Variants in ADGRB2 observed in about 807,000 individuals in gnomAD.
ADGRB2 encodes the protein brain-specific angiogenesis inhibitor 2.
In ADGRB2, 47 loss-of-function variants were observed where a neutral mutation model predicts 178.7. That is an observed-to-expected ratio of 0.26 (90% CI 0.21 to 0.34). The LOEUF (loss-of-function observed/expected upper bound fraction) is 0.34, where lower values mean the gene tolerates loss of function less well. Among genes scored for constraint, ADGRB2 ranks in the 10% least tolerant of loss-of-function variants. ADGRB2 has a pLI of 1.00. For synonymous variants in ADGRB2, 870 were observed against 912.4 expected (o/e 0.95, Z 0.84); for missense variants, 1,584 against 2,180.8 (o/e 0.73, Z 5.45).
At chr1:31,742,784 G>A in intron 7 of ADGRB2, 54 bp downstream of exon 7, 3 of 1,367,790 alleles carry the variant, frequency 2.2e-6, no homozygotes, top group Admixed American at 3.4e-5. Flanking sequence ...CAGGTCTCCC[G>A]ACCCCCCACC....
At position 31,756,456 on chromosome 1, in the gene ADGRB2, C is replaced by T; in HGVS notation, c.381G>A (p.Arg127=). 6.2e-7 allele frequency: 1 copy of T among 1,610,874 alleles called. No homozygotes were observed. The highest frequency in any genetic ancestry group is 8.5e-7 in the Non-Finnish European group (1 of 1,178,536). The change falls in exon 4 of 33, where the codon CGG becomes CGA. Residue 127 remains arginine, a synonymous_variant. Coordinates refer to ENST00000373658, the MANE Select transcript of ADGRB2 (RefSeq NM_001364857.2). This position sits in a 1 kb window ranked among gnomAD's most constrained non-coding sequence, Gnocchi z 8.5. ...CCGCCTCTGCCTCCTCCTCTTCTGGCCGCCCCACCTCTGACTCCGCCTGGG... is the reference window on the plus strand; with the variant it reads ...CCGCCTCTGCCTCCTCCTCTTCTGGTCGCCCCACCTCTGACTCCGCCTGGG... The part of the protein sequence containing the change: ...AVAQAESEVG[R]PEEEEAEAAA...
rs1461680855 is a variant in ADGRB2 at position 31,731,178 on chromosome 1, C to T, written c.4002G>A (p.Gln1334=). ...TGGGCCGCAGCCATGTGAGGTCCAG[C>T]TGCCGCAGGCCACCCTCCCCACACA... ...VYMCGEGGLR[Q]LDLTWLRPTE... is the part of the protein sequence containing the mutation. Residue 1334 remains glutamine, a synonymous_variant, in exon 29 of 33, where the codon CAG becomes CAA. Coordinates refer to ENST00000373658, the MANE Select transcript of ADGRB2 (RefSeq NM_001364857.2). 6.3e-7 allele frequency: 1 copy of T among 1,598,522 alleles called. No individual in the cohort carries two copies. Among genetic ancestry groups the T allele is most frequent in the Non-Finnish European group, 8.5e-7 (1 of 1,173,204 alleles).
chr1:31,749,940 AGAAAGAAAG>A (rs1439398584), intron 4 of ADGRB2, among the ~76,000 whole-genome samples: 1 of 151,574 alleles, frequency 6.6e-6, no homozygotes, highest in Non-Finnish European at 1.5e-5. Context: ...AGAGAGAGAA[AGAAAGAAAG>A]GAAAGAAAGA....
In ADGRB2 at chr1:31,744,545, G is replaced by A. The variant is rs1646173843; in HGVS notation, c.922+103C>T. 6.8e-7 allele frequency: 1 copy of A among 1,478,230 alleles called. No individual in the cohort carries two copies. The highest frequency in any genetic ancestry group is 1.4e-5 in the African/African-American group (1 of 71,392). The allele number at this position is 1,478,230 out of a possible 1,614,324, so 91.6% of individuals were successfully genotyped here. ...AGCTTCATGTGGCACAGACGCGACT[G>A]AACTGCAGGACAGAGACAGACAGGC... is the stretch of plus-strand genomic sequence containing the variant. On this transcript the variant is annotated intron_variant, in intron 5 of 32. Transcript: ENST00000373658. The surrounding 1 kb of genome is among the most constrained non-coding windows in gnomAD (Gnocchi z 6.7).
rs1254658696 is a variant in ADGRB2, at chr1:31,735,924, A to C, written c.3201-31T>G. On this transcript the variant is annotated intron_variant, in intron 22 of 32. Coordinates refer to ENST00000373658, the MANE Select transcript of ADGRB2 (RefSeq NM_001364857.2). The surrounding 1 kb of genome is among the most constrained non-coding windows in gnomAD (Gnocchi z 6.0). ...GTGGGGGAGAAGAAGGGTGTCAGAC[A>C]CCCAGCAGCCTCCCTCCCCACCCTC... 2 of 1,552,538 alleles carry C rather than the reference A, an allele frequency of 1.3e-6. No homozygotes were observed. Among genetic ancestry groups the C allele is most frequent in the Non-Finnish European group, 1.7e-6 (2 of 1,147,578 alleles).
chr1:31,735,710 T>C lies in ADGRB2; in HGVS notation c.3268-45A>G, dbSNP rs1283287642. On this transcript the variant is annotated intron_variant, in intron 23 of 32. Coordinates refer to ENST00000373658, the MANE Select transcript of ADGRB2 (RefSeq NM_001364857.2). The surrounding 1 kb of genome is among the most constrained non-coding windows in gnomAD (Gnocchi z 6.0). Reference sequence around the variant, plus strand: ...GAGTGGGGGAGACAGGATCACCAGGTGCCCTCCTGGCAGGGAAATCCCCAT... The same window carrying C: ...GAGTGGGGGAGACAGGATCACCAGGCGCCCTCCTGGCAGGGAAATCCCCAT... The C allele has an allele frequency of 1.3e-6, 2 of 1,572,846 alleles. No homozygotes were observed. Among genetic ancestry groups the C allele is most frequent in the Admixed American group, 1.7e-5 (1 of 57,808 alleles).
In ADGRB2 at chr1:31,756,391, G is replaced by A. The variant is rs1358635258; in HGVS notation, c.446C>T (p.Thr149Ile). 1.2e-6 allele frequency: 2 copies of A among 1,612,924 alleles called. No individual in the cohort carries two copies. The highest frequency in any genetic ancestry group is 2.7e-5 in the African/African-American group (2 of 74,948). ...GAAGTTCTTGTCGAAGTGCAGGAAG[G>A]TAAAGGGGCCTGAGCCGCTGCACAG... The part of the protein sequence containing the change: ...LELCSGSGPF[T>I]FLHFDKNFVQ... Residue 149 changes from threonine (T) to isoleucine (I), a missense_variant, in exon 4 of 33, where the codon ACC (threonine) becomes ATC (isoleucine). Around this residue, in one of 3 missense-constraint regions of ADGRB2, gnomAD observed 657 missense variants for 847.6 expected, o/e 0.78. Transcript: ENST00000373658. The surrounding 1 kb of genome is among the most constrained non-coding windows in gnomAD (Gnocchi z 8.5).
In ADGRB2 at chr1:31,732,628, G is replaced by A. The variant is rs750543442; in HGVS notation, c.3625-16C>T. On this transcript the variant is annotated splice_polypyrimidine_tract_variant and intron_variant, in intron 26 of 32. Coordinates refer to ENST00000373658, the MANE Select transcript of ADGRB2 (RefSeq NM_001364857.2). ...CATCCTGGACCTGGGGACAGAGGGC[G>A]CCTGCTGGGCCTGAGGCCACTGCAG... 19 of 1,611,822 alleles carry A rather than the reference G, an allele frequency of 1.2e-5. No homozygotes were observed. Among genetic ancestry groups the A allele is most frequent in the Middle Eastern group, 1.6e-4 (1 of 6,076 alleles).
intron 28 of ADGRB2, 45 bp from the exon 29 acceptor site, chr1:31,731,464 G>A (rs1645279244): frequency 5.2e-6 from 8 of 1,528,822 alleles, no homozygotes; most frequent in African/African-American, 1.4e-5. Context: ...TGAGGAGAAG[G>A]AACCTCCAGA....
rs573776843 is a variant in ADGRB2 at position 31,753,343 on chromosome 1, G to C, written c.838+2656C>G. 6.6e-6 allele frequency among the ~76,000 whole-genome samples: 1 copy of C among 152,336 alleles called. No homozygotes were observed. The highest frequency in any genetic ancestry group is 2.4e-5 in the African/African-American group (1 of 41,574). On this transcript the variant is annotated intron_variant, in intron 4 of 32. Transcript: ENST00000373658. The surrounding 1 kb of genome is among the most constrained non-coding windows in gnomAD (Gnocchi z 4.1). Reference sequence around the variant, plus strand: ...AAGAGATCTATCAAAGGCAGTTTGCGTGAAATTAACAGGCGCCTGTACCCT... The same window carrying C: ...AAGAGATCTATCAAAGGCAGTTTGCCTGAAATTAACAGGCGCCTGTACCCT...
chr1:31,740,296 C>T lies in ADGRB2; in HGVS notation c.1989+51G>A, dbSNP rs1645868439. On this transcript the variant is annotated intron_variant, in intron 12 of 32. Transcript: ENST00000373658. This position sits in a 1 kb window ranked among gnomAD's most constrained non-coding sequence, Gnocchi z 5.9. Reference sequence around the variant, plus strand: ...CTCTGCCTAGGGGCCTGGCCTCCCGCTTCAGTTTGGGCCTTCTCCACCCTC... The same window carrying T: ...CTCTGCCTAGGGGCCTGGCCTCCCGTTTCAGTTTGGGCCTTCTCCACCCTC... 1 of 1,605,146 alleles carries T rather than the reference C, an allele frequency of 6.2e-7. No homozygotes were observed. Among genetic ancestry groups the T allele is most frequent in the Non-Finnish European group, 8.5e-7 (1 of 1,174,106 alleles).
In ADGRB2 at chr1:31,728,803, A is replaced by AACACACACACAC. The variant is rs71006321; in HGVS notation, c.4381-182_4381-171dup. Reference sequence around the variant, plus strand: ...TGGGGCAGCTTTTCAGGCCTCACTGAACACACACACACACACACACACACA... The same window carrying AACACACACACAC: ...TGGGGCAGCTTTTCAGGCCTCACTGAACACACACACACACACACACACACACACACACACACA... On this transcript the variant is annotated intron_variant, in intron 29 of 32. Coordinates refer to ENST00000373658, the MANE Select transcript of ADGRB2 (RefSeq NM_001364857.2). This position sits in a 1 kb window ranked among gnomAD's most constrained non-coding sequence, Gnocchi z 6.7. 0.013 allele frequency among the ~76,000 whole-genome samples: 1,492 copies of AACACACACACAC among 115,484 alleles called. 38 individuals are homozygous for AACACACACACAC. Among genetic ancestry groups the AACACACACACAC allele is most frequent in the South Asian group, 0.035 (89 of 2,524 alleles). 75.8% of individuals were successfully genotyped at this position (115,484 alleles called of 152,430 possible).
intron 22 of ADGRB2, 81 bp downstream of exon 22, chr1:31,736,240 C>A: frequency 6.6e-7 from 1 of 1,521,506 alleles, no homozygotes; most frequent in African/African-American, 1.4e-5. Flanking sequence ...CAGGCATGGG[C>A]TAGGATTTCA....
Position 31,740,333 on chromosome 1 carries a change from C to T in ADGRB2, c.1989+14G>A, listed in dbSNP as rs776337624. 8 of 1,609,288 alleles carry T rather than the reference C, an allele frequency of 5.0e-6. No homozygotes were observed. In the Admixed American group the frequency reaches 8.4e-5, roughly 17 times the overall value. ...CCTTCTCCACCCTCCGCCCTCCTTC[C>T]TCCTAGGCAGTACCTGCACATCATC... On this transcript the variant is annotated intron_variant, in intron 12 of 32. Coordinates refer to ENST00000373658, the MANE Select transcript of ADGRB2 (RefSeq NM_001364857.2). The surrounding 1 kb of genome is among the most constrained non-coding windows in gnomAD (Gnocchi z 5.9).
intron 14 of ADGRB2, 92 bp downstream of exon 14, chr1:31,739,834 A>T: frequency 7.6e-7 from 1 of 1,315,182 alleles, no homozygotes; most frequent in South Asian, 1.3e-5. Flanking sequence ...ATGTGGACAG[A>T]AAGATACAAA....
At position 31,730,867 on chromosome 1, in the gene ADGRB2, G is replaced by C; in HGVS notation, c.4313C>G (p.Pro1438Arg). The C allele has an allele frequency of 6.4e-7, 1 of 1,559,676 alleles. No individual in the cohort carries two copies. Among genetic ancestry groups the C allele is most frequent in the South Asian group, 1.2e-5 (1 of 81,732 alleles). The change falls in exon 29 of 33, where the codon CCA becomes CGA. Residue 1438 changes from proline to arginine, a missense_variant. Pro to Arg is a moderately radical substitution (Grantham distance 103). Coordinates refer to ENST00000373658, the MANE Select transcript of ADGRB2 (RefSeq NM_001364857.2). ...AGGCATGGTCCGGCTGCGCTCCCCT[G>C]GCTCGGGCACTTGGCGGGCGCTGGG... ...PTPSARQVPEPGERSRTMPRT... is the reference protein window; with the variant it reads ...PTPSARQVPERGERSRTMPRT...
rs1646834304 is a variant in ADGRB2 at position 31,756,401 on chromosome 1, C to T, written c.436G>A (p.Gly146Ser). Reference protein sequence around the residue: ...AAGLELCSGSGPFTFLHFDKN... With the variant: ...AAGLELCSGSSPFTFLHFDKN... ...TCGAAGTGCAGGAAGGTAAAGGGGC[C>T]TGAGCCGCTGCACAGCTCCAACCCC... is the stretch of plus-strand genomic sequence containing the variant. The change falls in exon 4 of 33, where the codon GGC (glycine) becomes AGC (serine). Residue 146 changes from glycine (G) to serine (S), a missense_variant. Coordinates refer to ENST00000373658, the MANE Select transcript of ADGRB2 (RefSeq NM_001364857.2). This position sits in a 1 kb window ranked among gnomAD's most constrained non-coding sequence, Gnocchi z 8.5. 1.2e-6 allele frequency: 2 copies of T among 1,612,988 alleles called. No individual in the cohort carries two copies. Among genetic ancestry groups the T allele is most frequent in the South Asian group, 2.2e-5 (2 of 91,084 alleles).
At position 31,754,034 on chromosome 1, in the gene ADGRB2, C is replaced by T. The variant is rs928480066; in HGVS notation, c.838+1965G>A. On this transcript the variant is annotated intron_variant, in intron 4 of 32. Transcript: ENST00000373658. The surrounding 1 kb of genome is among the most constrained non-coding windows in gnomAD (Gnocchi z 5.7). ...CAAGAGCAGAGGTCAGGCTTGGGAA[C>T]AGCTGGGAGCCCCAGCTCAGGGCTC... 5.3e-5 allele frequency among the ~76,000 whole-genome samples: 8 copies of T among 152,216 alleles called. No homozygotes were observed. Among genetic ancestry groups the T allele is most frequent in the African/African-American group, 1.7e-4 (7 of 41,464 alleles).
rs1181671613 is a variant in ADGRB2 at position 31,731,111 on chromosome 1, G to T, written c.4069C>A (p.Arg1357=). The part of the protein sequence containing the change: ...SEGDYMVLPR[R]TLSLQPGGGG... ...CCGCCAGGCTGCAGGCTCAAAGTCC[G>T]CCGGGGCAGCACCATGTAGTCTCCC... Residue 1357 remains arginine (R), a synonymous_variant, in exon 29 of 33, where the codon CGG becomes AGG. Transcript: ENST00000373658. The T allele has an allele frequency of 6.3e-7, 1 of 1,581,734 alleles. No individual in the cohort carries two copies. Among genetic ancestry groups the T allele is most frequent in the East Asian group, 2.3e-5 (1 of 42,618 alleles).
Sources: gnomAD v4.1 joint callset for allele counts (sites outside exome capture counted in the v4.1 genomes callset) on GRCh38, gnomAD v4.1.1 for gene constraint, gnomAD v4.1.1 regional missense constraint, Gnocchi (gnomAD v3.1) non-coding constraint, MANE v1.5 for transcripts, NCBI Gene and HGNC (gene_info 2026-07-23, HGNC 2026-07-21) for gene names.